The following PCDHA9 variants were observed in gnomAD, a reference collection of about 807,000 sequenced individuals.
PCDHA9 encodes protocadherin alpha 9.
In PCDHA9, 62 loss-of-function variants were observed where a neutral mutation model predicts 62.0. That is an observed-to-expected ratio of 1.00 (90% CI 0.81 to 1.23). The LOEUF is 1.23. Among genes scored for constraint, PCDHA9 ranks in the 50% most tolerant of loss-of-function variants. The pLI, the probability that PCDHA9 is intolerant of heterozygous loss-of-function variation, is 0.00. For synonymous variants in PCDHA9, 557 were observed against 567.6 expected (o/e 0.98, Z 0.27); for missense variants, 1,205 against 1,249.8 (o/e 0.96, Z 0.54).
At position 140,852,588 on chromosome 5, in the gene PCDHA9, T is replaced by G. The variant is rs2150519378; in HGVS notation, c.2394+1699T>G. 150 of 881,406 alleles carry G rather than the reference T, an allele frequency of 1.7e-4. 16 individuals are homozygous for G. The highest frequency in any genetic ancestry group is 2.0e-4 in the Non-Finnish European group (145 of 723,694). 54.6% of individuals were successfully genotyped at this position (881,406 alleles called of 1,614,324 possible). A position where few individuals can be genotyped will look rare whatever the true frequency, so the allele number is the denominator to read the frequency against. On this transcript the variant is annotated intron_variant, in intron 1 of 3. Transcript: ENST00000532602. ...ACTGTGCCAAGGCTTTTTTATTTTT[T>G]TTTTTTGTCATTTTCTTTCAAAACT...
rs376600715 is a variant in PCDHA9, at chr5:140,871,207, G to A, written c.2394+20318G>A. The stretch of plus-strand genomic sequence containing the variant: ...GGATGTCAACGTGTACCTGATCATC[G>A]CCATCTGCGTGGTGTCCAGCCTCCT... On this transcript the variant is annotated intron_variant, in intron 1 of 3. Transcript: ENST00000532602. 2.2e-5 allele frequency: 36 copies of A among 1,613,642 alleles called. No individual in the cohort carries two copies. The African/African-American group carries it at 4.0e-4, about 18-fold the overall frequency.
chr5:140,948,912 C>A (rs1038670333), intron 1 of PCDHA9, among the ~76,000 whole-genome samples: 1 of 150,924 alleles, frequency 6.6e-6, no homozygotes, highest in Non-Finnish European at 1.5e-5. Context: ...TCTTAGGTAA[C>A]TGATTAGGTA....
chr5:140,927,970 G>A (rs1554205315), intron 1 of PCDHA9: 1 of 1,614,216 alleles, frequency 6.2e-7, no homozygotes, highest in East Asian at 2.2e-5. Context: ...CACAGTGATT[G>A]CTCTCTTTAG....
intron 3 of PCDHA9, among the ~76,000 whole-genome samples, chr5:141,007,451 C>A (rs2098330384): frequency 6.6e-6 from 1 of 151,640 alleles, no homozygotes; most frequent in Non-Finnish European, 1.5e-5. Context: ...GCCTGTAGTC[C>A]CAGCTACTCA....
intron 1 of PCDHA9, chr5:140,870,710 CGCGCGATGCGG>C (rs1554164626): frequency 1.2e-6 from 2 of 1,612,974 alleles, no homozygotes; most frequent in African/African-American, 2.7e-5. Context: ...CAGGTGAGCG[CGCGCGATGCGG>C]GCGTGCCGCC....
intron 1 of PCDHA9, among the ~76,000 whole-genome samples, chr5:140,879,972 C>T (rs1005756157): frequency 6.6e-6 from 1 of 152,176 alleles, no homozygotes; most frequent in Non-Finnish European, 1.5e-5. Context: ...AGGATAAACT[C>T]CTTTCAAGAT....
chr5:140,869,650 C>A, intron 1 of PCDHA9: 1 of 1,613,504 alleles, frequency 6.2e-7, no homozygotes, highest in African/African-American at 1.3e-5. Flanking sequence ...TTTAGATTCA[C>A]CAACAAATGG....
At chr5:140,896,226 T>G (rs1554186874) in intron 1 of PCDHA9, among the ~76,000 whole-genome samples, 1 of 152,242 alleles carries the variant, frequency 6.6e-6, no homozygotes, top group African/African-American at 2.4e-5. Flanking sequence ...GTCTTTATAG[T>G]AGAATGACTT....
At chr5:140,922,437 T>C (rs1462386336) in intron 1 of PCDHA9, among the ~76,000 whole-genome samples, 1 of 152,194 alleles carries the variant, frequency 6.6e-6, no homozygotes, top group African/African-American at 2.4e-5. Flanking sequence ...GGCAGAACTC[T>C]CTCATTATCC....
In PCDHA9 at chr5:140,884,465, G is replaced by A. The variant is rs782791774; in HGVS notation, c.2394+33576G>A. 8.1e-6 allele frequency: 13 copies of A among 1,613,634 alleles called. No homozygotes were observed. In the South Asian group the frequency reaches 9.9e-5, roughly 12 times the overall value. ...GGCACCGCCCACCGAGGGCGCGTGCGCGCCGGGCAAGCCCACTCTAGTGTG... is the reference window on the plus strand; with the variant it reads ...GGCACCGCCCACCGAGGGCGCGTGCACGCCGGGCAAGCCCACTCTAGTGTG... On this transcript the variant is annotated intron_variant, in intron 1 of 3. Coordinates refer to ENST00000532602, the MANE Select transcript of PCDHA9 (RefSeq NM_031857.2).
chr5:140,986,308 A>G (rs1399323765), intron 3 of PCDHA9, among the ~76,000 whole-genome samples: 1 of 152,162 alleles, frequency 6.6e-6, no homozygotes, highest in African/African-American at 2.4e-5. Context: ...AGAGAAAATT[A>G]GCTAAATCAG....
intron 1 of PCDHA9, chr5:140,853,001 C>A (rs1254366907): frequency 3.9e-5 from 12 of 305,202 alleles, no homozygotes; most frequent in Non-Finnish European, 6.0e-5. Context: ...GCCTCAGCCT[C>A]CCGAGTAGCT....
In PCDHA9 at chr5:140,871,116, C is replaced by A. The variant is rs200344692; in HGVS notation, c.2394+20227C>A. On this transcript the variant is annotated intron_variant, in intron 1 of 3. Transcript: ENST00000532602. The stretch of plus-strand genomic sequence containing the variant: ...CCGTGCTGGTGTCGTTGGTGGAGAG[C>A]GGACAGGCGCCAAAGGCCTCTTCCC... The A allele has an allele frequency of 4.3e-4, 686 of 1,613,264 alleles. 1 individual carries two copies. Among genetic ancestry groups the A allele is most frequent in the Middle Eastern group, 2.1e-3 (13 of 6,062 alleles).
chr5:140,975,514 C>T (rs549258421), intron 1 of PCDHA9, among the ~76,000 whole-genome samples: 2 of 152,304 alleles, frequency 1.3e-5, no homozygotes, highest in African/African-American at 4.8e-5. Flanking sequence ...TATGCAAAAT[C>T]TGCAGTGGAT....
chr5:140,878,274 C>G (rs1273765492), intron 1 of PCDHA9, among the ~76,000 whole-genome samples: 3 of 152,092 alleles, frequency 2.0e-5, no homozygotes, highest in Non-Finnish European at 1.5e-5. Flanking sequence ...TTTAAAATAG[C>G]CTTCTTGATC....
At chr5:140,985,203 T>C (rs1274620928) in intron 3 of PCDHA9, among the ~76,000 whole-genome samples, 1 of 152,092 alleles carries the variant, frequency 6.6e-6, no homozygotes, top group Non-Finnish European at 1.5e-5. Flanking sequence ...TCCCAAAGTG[T>C]TGGGATTACA....
chr5:141,000,389 C>A (rs868958582), intron 3 of PCDHA9, among the ~76,000 whole-genome samples: 168 of 62,538 alleles, frequency 2.7e-3, no homozygotes, highest in Non-Finnish European at 3.7e-3. Flanking sequence ...CTCTCTCTCT[C>A]TCTCTCTATA....
intron 1 of PCDHA9, chr5:140,852,642 A>T (rs2042423560): frequency 2.1e-6 from 2 of 960,454 alleles, no homozygotes; most frequent in African/African-American, 3.6e-5. Flanking sequence ...CTGTCATTAA[A>T]CCTATCTATA....
Position 140,857,130 on chromosome 5 carries a change from A to T in PCDHA9, c.2394+6241A>T, listed in dbSNP as rs1554149562. 6.3e-7 allele frequency: 1 copy of T among 1,598,310 alleles called. No individual in the cohort carries two copies. The highest frequency in any genetic ancestry group is 8.6e-7 in the Non-Finnish European group (1 of 1,167,812). On this transcript the variant is annotated intron_variant, in intron 1 of 3. Coordinates refer to ENST00000532602, the MANE Select transcript of PCDHA9 (RefSeq NM_031857.2). Reference sequence around the variant, plus strand: ...TCTCTGTCTCTCCCAGTGAAAGAAGATGCTCAAGTGGGCACCGTCATTGCC... The same window carrying T: ...TCTCTGTCTCTCCCAGTGAAAGAAGTTGCTCAAGTGGGCACCGTCATTGCC...
Sources: gnomAD v4.1 joint callset for allele counts (sites outside exome capture counted in the v4.1 genomes callset) on GRCh38, gnomAD v4.1.1 for gene constraint, MANE v1.5 for transcripts, NCBI Gene and HGNC (gene_info 2026-07-23, HGNC 2026-07-21) for gene names.